FKBP1C: variants seen among roughly 807,000 people sequenced by gnomAD.
FKBP1C encodes the protein peptidyl-prolyl cis-trans isomerase FKBP1C.
A neutral mutation model predicts 7.1 loss-of-function variants in FKBP1C; 7 were observed. That is an observed-to-expected ratio of 0.99 (90% CI 0.56 to 1.86). The LOEUF (loss-of-function observed/expected upper bound fraction) is 1.86, where lower values mean the gene tolerates loss of function less well. Among genes scored for constraint, FKBP1C ranks in the 40% most tolerant of loss-of-function variants. The pLI is 0.00. For missense variants in FKBP1C, 159 were observed against 139.9 expected (o/e 1.14, Z -0.69); for synonymous variants, 56 against 51.2 (o/e 1.09, Z -0.40).
chr6:63,211,472 A>C (rs1766101764), exon 1 of FKBP1C: 1 of 629,228 alleles, frequency 1.6e-6, no homozygotes, highest in Admixed American at 2.7e-5. Flanking sequence ...CTGAGGGACT[A>C]GGCAGAGCCG....
exon 1 of FKBP1C, chr6:63,212,494 C>T (rs1352992708): frequency 8.1e-6 from 1 of 123,262 alleles, no homozygotes; most frequent in Non-Finnish European, 1.8e-5. Context: ...TCCCCTTAAA[C>T]CCTCTGCCTT....
chr6:63,211,786 T>C (rs532192947), exon 1 of FKBP1C: 478 of 1,613,936 alleles, frequency 3.0e-4, no homozygotes, highest in Non-Finnish European at 3.8e-4. Flanking sequence ...AAACTGACTA[T>C]ATCTCCAGAT....
chr6:63,211,513 C>T lies in FKBP1C; in HGVS notation c.-44C>T, dbSNP rs775690006. Reference sequence around the variant, plus strand: ...CCGCCGCCAGGTCGCTGTCGGTCCACGCCGCCCGTCGCGCTGCCCGCCCGC... The same window carrying T: ...CCGCCGCCAGGTCGCTGTCGGTCCATGCCGCCCGTCGCGCTGCCCGCCCGC... On this transcript the variant is annotated 5_prime_UTR_variant, in exon 1 of 1. In the 5' UTR this introduces an upstream ATG that the reference lacks. Coordinates refer to ENST00000370659, the Ensembl canonical transcript of FKBP1C. 3.2e-5 allele frequency: 25 copies of T among 777,566 alleles called. 2 individuals are homozygous for T. In the East Asian group the frequency reaches 3.5e-4, roughly 11 times the overall value. The allele number at this position is 777,566 out of a possible 1,614,324, so 48.2% of individuals were successfully genotyped here. A position where few individuals can be genotyped will look rare whatever the true frequency, so the allele number is the denominator to read the frequency against.
chr6:63,211,791 C>T, exon 1 of FKBP1C: 4 of 1,613,888 alleles, frequency 2.5e-6, no homozygotes, highest in Non-Finnish European at 3.4e-6. Context: ...GACTATATCT[C>T]CAGATTATGC....
chr6:63,211,922 C>G (rs1766110898), exon 1 of FKBP1C: 3 of 1,608,984 alleles, frequency 1.9e-6, no homozygotes, highest in Non-Finnish European at 2.5e-6. Flanking sequence ...GTTCTTGGAT[C>G]TGCCATGGAG....
chr6:63,212,869 TC>T (rs2127364369), exon 1 of FKBP1C: 1 of 167,030 alleles, frequency 6.0e-6, no homozygotes, highest in South Asian at 2.1e-4. Flanking sequence ...TCTCAGAGTT[TC>T]CTGGCTTTTC....
chr6:63,211,952 G>A (rs571833108), exon 1 of FKBP1C: 32 of 1,531,956 alleles, frequency 2.1e-5, no homozygotes, highest in East Asian at 2.0e-4. Flanking sequence ...GCCTCCAGAC[G>A]TGTGCACATA....
exon 1 of FKBP1C, chr6:63,212,118 C>A: frequency 1.6e-6 from 1 of 609,038 alleles, no homozygotes; most frequent in Non-Finnish European, 3.0e-6. Flanking sequence ...ATGCCATAAA[C>A]GTCAAGTTAT....
At position 63,211,672 on chromosome 6, in the gene FKBP1C, C is replaced by G. The variant is rs879090381; in HGVS notation, c.116C>G (p.Ser39Cys). ...CTTGAAGATGGAAAGAAATTTGATT[C>G]CTCCCGGGACAGAAACAAGCCCTTT... Residue 39 changes from serine to cysteine, a missense_variant, in exon 1 of 1, where the codon TCC becomes TGC. Transcript: ENST00000370659. The G allele has an allele frequency of 3.1e-6, 5 of 1,613,966 alleles. No individual in the cohort carries two copies. The South Asian group carries it at 5.5e-5, about 18-fold the overall frequency.
chr6:63,211,524 G>GCGCT, exon 1 of FKBP1C: 1 of 901,200 alleles, frequency 1.1e-6, no homozygotes, highest in East Asian at 2.6e-5. Context: ...GCCGCCCGTC[G>GCGCT]CGCTGCCCGC....
At chr6:63,211,507 G>A (rs1430197773) in exon 1 of FKBP1C, 8 of 718,472 alleles carry the variant, frequency 1.1e-5, no homozygotes, top group East Asian at 2.7e-5. Flanking sequence ...GGTCGCTGTC[G>A]GTCCACGCCG....
At chr6:63,211,996 C>G in exon 1 of FKBP1C, 8 of 1,248,042 alleles carry the variant, frequency 6.4e-6, no homozygotes, top group Non-Finnish European at 9.3e-6. Context: ...TGTTCCACTC[C>G]ACTTTGTATA....
chr6:63,212,088 T>C, exon 1 of FKBP1C: 1 of 649,656 alleles, frequency 1.5e-6, no homozygotes, highest in Non-Finnish European at 2.7e-6. Flanking sequence ...TCTCCTGGTA[T>C]GTGCGTTTAC....
exon 1 of FKBP1C, chr6:63,212,182 AG>A: frequency 1.8e-6 from 1 of 556,566 alleles, no homozygotes; most frequent in East Asian, 3.1e-5. Context: ...TTTTGAATAT[AG>A]GTTTCCAATT....
At chr6:63,211,684 G>GAAACA in the FKBP1C span, 2 of 1,614,094 alleles carry the variant, frequency 1.2e-6, no homozygotes, top group Non-Finnish European at 1.7e-6. Flanking sequence ...TCCCGGGACA[G>GAAACA]AAACAAGCCC....
At chr6:63,211,720 A>C (rs1561983907) in exon 1 of FKBP1C, 1 of 1,613,982 alleles carries the variant, frequency 6.2e-7, no homozygotes, top group Non-Finnish European at 8.5e-7. Flanking sequence ...GGCAAGCAGG[A>C]GGTGATCCGA....
At chr6:63,211,568 C>T (rs770095791) in exon 1 of FKBP1C, 102 of 1,409,924 alleles carry the variant, frequency 7.2e-5, no homozygotes, top group Non-Finnish European at 9.5e-5. Context: ...TGGGAGTGCA[C>T]GTGGAAACCA....
chr6:63,212,236 G>T (rs901558409), exon 1 of FKBP1C: 1 of 396,878 alleles, frequency 2.5e-6, no homozygotes, highest in Non-Finnish European at 4.7e-6. Flanking sequence ...ATAAGTTAAC[G>T]TTAGGATAGG....
At chr6:63,211,559 G>T in exon 1 of FKBP1C, 1 of 1,324,208 alleles carries the variant, frequency 7.6e-7, no homozygotes. Context: ...CCGCCGCCAT[G>T]GGAGTGCACG....
Sources: gnomAD v4.1 joint callset for allele counts on GRCh38, gnomAD v4.1.1 for gene constraint, MANE v1.5 for transcripts, NCBI Gene and HGNC (gene_info 2026-07-23, HGNC 2026-07-21) for gene names.